The following TRA2B variants were observed in gnomAD, a reference collection of about 807,000 sequenced individuals.
TRA2B encodes transformer-2 protein homolog beta.
Under a neutral mutation model 41.7 loss-of-function variants are expected in TRA2B, and 14 were observed. That is an observed-to-expected ratio of 0.34 (90% CI 0.22 to 0.53). TRA2B has a LOEUF of 0.53. Ranked by LOEUF, TRA2B falls within the 20% of genes least tolerant of loss-of-function variation. The pLI is 0.95. For synonymous variants in TRA2B, 130 were observed against 128.8 expected (o/e 1.01, Z -0.06); for missense variants, 167 against 396.8 (o/e 0.42, Z 4.92).
At chr3:185,931,752 T>C in intron 1 of TRA2B, 1 of 1,475,970 alleles carries the variant, frequency 6.8e-7, no homozygotes, top group Non-Finnish European at 8.9e-7. Flanking sequence ...TTCTTTCTTT[T>C]ATTTTTTCAA....
intron 3 of TRA2B, 82 bp from the exon 4 acceptor site, chr3:185,924,066 AAAATGT>A: frequency 8.2e-7 from 1 of 1,225,684 alleles, no homozygotes; most frequent in Non-Finnish European, 1.1e-6. Context: ...TATACTAGCC[AAAATGT>A]CACTAACAAG....
At chr3:185,927,589 T>C (rs1444030766) in intron 1 of TRA2B, 2 of 151,832 alleles carry the variant, frequency 1.3e-5, no homozygotes, top group African/African-American at 4.8e-5. Context: ...AGCAAAAGAG[T>C]ACAGAAACTA....
intron 3 of TRA2B, chr3:185,925,253 T>C (rs1743901050): frequency 2.0e-6 from 1 of 503,274 alleles, no homozygotes; most frequent in African/African-American, 1.9e-5. Context: ...GTTACACCAT[T>C]GTGTCAGTAT....
rs1236219871 is a variant in TRA2B, at chr3:185,915,874, A to G, written c.*1841T>C. On this transcript the variant is annotated 3_prime_UTR_variant, in exon 9 of 9. Transcript: ENST00000453386. The stretch of plus-strand genomic sequence containing the variant: ...TGGTGGAGAATGTAGTTACTTCAGG[A>G]AAGGATGCCTGTATATACTACCACG... The G allele has an allele frequency of 2.0e-5, 3 of 152,174 alleles. No individual in the cohort carries two copies. Among genetic ancestry groups the G allele is most frequent in the African/African-American group, 7.2e-5 (3 of 41,428 alleles). 9.4% of individuals were successfully genotyped at this position (152,174 alleles called of 1,614,324 possible). A position where few individuals can be genotyped will look rare whatever the true frequency, so the allele number is the denominator to read the frequency against.
At chr3:185,922,377 A>T (rs1743775287) in intron 4 of TRA2B, 1 of 298,432 alleles carries the variant, frequency 3.4e-6, no homozygotes, top group Non-Finnish European at 6.2e-6. Flanking sequence ...CCAGCTCCAA[A>T]GCAGCACACA....
intron 1 of TRA2B, chr3:185,931,672 A>G: frequency 7.8e-7 from 1 of 1,281,290 alleles, no homozygotes; most frequent in East Asian, 3.1e-5. Context: ...GACTTCTTTC[A>G]TCTTCCCCAC....
Position 185,925,365 on chromosome 3 carries a change from CGCACCAACT to C in TRA2B, c.333+90_333+98del, listed in dbSNP as rs1301568936. 11 of 1,388,656 alleles carry C rather than the reference CGCACCAACT, an allele frequency of 7.9e-6. No individual in the cohort carries two copies. The African/African-American group carries it at 1.6e-4, about 20-fold the overall frequency. The allele number at this position is 1,388,656 out of a possible 1,614,324, so 86.0% of individuals were successfully genotyped here. On this transcript the variant is annotated intron_variant, in intron 3 of 8. Coordinates refer to ENST00000453386, the MANE Select transcript of TRA2B (RefSeq NM_004593.3). ...AAAAAGCCTCTGAAGATTTCACTCA[CGCACCAACT>C]GCTAAAGCTCTATTGTCAAAATCAG...
rs1305620617 is a variant in TRA2B, at chr3:185,914,585, A to G, written c.*3130T>C. Among the ~76,000 whole-genome samples the G allele has an allele frequency of 3.3e-5, 5 of 152,162 alleles. No homozygotes were observed. Among genetic ancestry groups the G allele is most frequent in the Non-Finnish European group, 7.3e-5 (5 of 68,030 alleles). ...CTTGTCACTTTTAAGTCTTTACATT[A>G]TATATTAAAGATTACACATAATAAT... On this transcript the variant is annotated 3_prime_UTR_variant, in exon 9 of 9. Coordinates refer to ENST00000453386, the MANE Select transcript of TRA2B (RefSeq NM_004593.3).
chr3:185,936,127 T>A (rs555445295), intron 1 of TRA2B: 111 of 985,312 alleles, frequency 1.1e-4, no homozygotes, highest in Non-Finnish European at 1.3e-4. Context: ...TCACGTGTAT[T>A]CAATCGAGAG....
chr3:185,923,703 ACTTGTC>A (rs761064241), intron 4 of TRA2B, 87 bp downstream of exon 4: 10 of 1,233,782 alleles, frequency 8.1e-6, no homozygotes, highest in Non-Finnish European at 1.1e-5. Context: ...AGTATTACTG[ACTTGTC>A]CTTGTCCTTA....
At chr3:185,919,610 C>G in intron 6 of TRA2B, 114 bp from the exon 7 acceptor site, 1 of 820,310 alleles carries the variant, frequency 1.2e-6, no homozygotes, top group East Asian at 2.9e-5. Flanking sequence ...ATGTTTCTTG[C>G]AGGTCAAGTG....
At chr3:185,925,238 A>G in intron 3 of TRA2B, 1 of 431,076 alleles carries the variant, frequency 2.3e-6, no homozygotes, top group Non-Finnish European at 4.1e-6. Flanking sequence ...TTGATGGGCT[A>G]AGGAGTTACA....
At chr3:185,929,163 C>G (rs773463552) in intron 1 of TRA2B, 2 of 152,118 alleles carry the variant, frequency 1.3e-5, no homozygotes, top group Non-Finnish European at 2.9e-5. Context: ...CTAAACGTCT[C>G]GATCCTTTAT....
chr3:185,914,645 TGTA>T lies in TRA2B; in HGVS notation c.*3067_*3069del, dbSNP rs1743441642. 6.6e-6 allele frequency among the ~76,000 whole-genome samples: 1 copy of T among 152,148 alleles called. No homozygotes were observed. The highest frequency in any genetic ancestry group is 6.5e-5 in the Admixed American group (1 of 15,276). ...TATATACAATAATCCTTTACATTAC[TGTA>T]GTAGCATTCTGGCTTTTTGATGACA... On this transcript the variant is annotated 3_prime_UTR_variant, in exon 9 of 9. Transcript: ENST00000453386.
chr3:185,931,276 G>A (rs1038850303), intron 1 of TRA2B, among the ~76,000 whole-genome samples: 5 of 152,302 alleles, frequency 3.3e-5, no homozygotes, highest in Admixed American at 3.3e-4. Context: ...AACCCTGGAG[G>A]TATTCGCTCA....
At position 185,937,996 on chromosome 3, in the gene TRA2B, C is replaced by G. The variant is rs1017879392; in HGVS notation, c.-136G>C. 9.0e-6 allele frequency: 9 copies of G among 998,544 alleles called. No individual in the cohort carries two copies. In the Admixed American group the frequency reaches 1.7e-4, roughly 19 times the overall value. 61.9% of individuals were successfully genotyped at this position (998,544 alleles called of 1,614,324 possible). On this transcript the variant is annotated 5_prime_UTR_variant, in exon 1 of 9. Coordinates refer to ENST00000453386, the MANE Select transcript of TRA2B (RefSeq NM_004593.3). ...CCGCTCAGAGCCGAAATGCTCCGCA[C>G]CGCCTCCGCACGGGCTCTAACTCTA...
In TRA2B at chr3:185,919,448, A is replaced by C. The variant is rs1378378778; in HGVS notation, c.771T>G (p.Asp257Glu). Residue 257 changes from aspartate (D) to glutamate (E), a missense_variant, in exon 7 of 9, where the codon GAT becomes GAG. Physicochemically the swap from Asp to Glu is conservative, Grantham distance 45. Coordinates refer to ENST00000453386, the MANE Select transcript of TRA2B (RefSeq NM_004593.3). ...GGGWRAAQDR[D>E]QIYRRRSPSP... ...CTCTCCTGGCATACCTATAAATCTG[A>C]TCCCTGTCTTGGGCAGCTCTCCATC... is the stretch of plus-strand genomic sequence containing the variant. 6.2e-7 allele frequency: 1 copy of C among 1,613,578 alleles called. No individual in the cohort carries two copies. Among genetic ancestry groups the C allele is most frequent in the East Asian group, 2.2e-5 (1 of 44,852 alleles).
intron 1 of TRA2B, 22 bp downstream of exon 1, chr3:185,937,803 C>G: frequency 6.2e-7 from 1 of 1,614,100 alleles, no homozygotes; most frequent in Non-Finnish European, 8.5e-7. Flanking sequence ...ACACAGCCAC[C>G]CCCTACCGCA....
At chr3:185,921,763 CAAAACAAAACA>C (rs375538689) in intron 5 of TRA2B, among the ~76,000 whole-genome samples, 31 of 152,034 alleles carry the variant, frequency 2.0e-4, no homozygotes, top group South Asian at 6.2e-4. Flanking sequence ...GACTCCGTCT[CAAAACAAAACA>C]AAAACAAAAC....
Sources: gnomAD v4.1 joint callset for allele counts (sites outside exome capture counted in the v4.1 genomes callset) on GRCh38, gnomAD v4.1.1 for gene constraint, MANE v1.5 for transcripts, NCBI Gene and HGNC (gene_info 2026-07-23, HGNC 2026-07-21) for gene names.